Variants in DPP6 observed in about 807,000 individuals in gnomAD.
DPP6 encodes the protein A-type potassium channel modulatory protein DPP6.
Under a neutral mutation model 122.6 loss-of-function variants are expected in DPP6, and 69 were observed. The observed-to-expected ratio is 0.56, with a 90% CI of 0.46 to 0.69. DPP6 has a LOEUF of 0.69. DPP6 is among the 30% of genes least tolerant of loss of function. The pLI is 0.00. For missense variants in DPP6, 928 were observed against 1,116.9 expected, an observed-to-expected ratio of 0.83 and a Z score of 2.41; for synonymous variants, 418 against 433.1, an observed-to-expected ratio of 0.97 and a Z score of 0.43.
At chr7:154,612,963 A>G (rs528483446) in intron 5 of DPP6, among the ~76,000 whole-genome samples, 4 of 152,314 alleles carry the variant, frequency 2.6e-5, no homozygotes, top group African/African-American at 9.6e-5. Flanking sequence ...GGGTGCTGGC[A>G]TGGTCCATTT....
At chr7:154,763,411 A>G (rs1217564341) in intron 8 of DPP6, among the ~76,000 whole-genome samples, 1 of 152,180 alleles carries the variant, frequency 6.6e-6, no homozygotes, top group Non-Finnish European at 1.5e-5. Context: ...AAGAAAGGAA[A>G]GAAAGAAAAG....
rs1483749462 is a variant in DPP6 at position 154,481,286 on chromosome 7, G to C, written c.457+6249G>C. Among the ~76,000 whole-genome samples the C allele has an allele frequency of 6.6e-6, 1 of 152,030 alleles. No individual in the cohort carries two copies. Among genetic ancestry groups the C allele is most frequent in the East Asian group, 1.9e-4 (1 of 5,184 alleles). On this transcript the variant is annotated intron_variant, in intron 3 of 25. Transcript: ENST00000377770. The surrounding 1 kb of genome is among the most constrained non-coding windows in gnomAD (Gnocchi z 4.2). ...TTAGGTATTGTCTATATGATGATGA[G>C]TTTCAATTCTCTAGCTCAAATGCTC...
chr7:154,747,073 G>C (rs1213409621), intron 8 of DPP6, among the ~76,000 whole-genome samples: 1 of 152,082 alleles, frequency 6.6e-6, no homozygotes, highest in African/African-American at 2.4e-5. Flanking sequence ...AGAAAATCCT[G>C]GTTTTCAGAA....
chr7:154,373,828 T>C (rs1812884718), intron 1 of DPP6, among the ~76,000 whole-genome samples: 1 of 152,132 alleles, frequency 6.6e-6, no homozygotes, highest in South Asian at 2.1e-4. Flanking sequence ...CATTCAACTT[T>C]CTGTCTGTGA....
chr7:154,213,214 C>T (rs1347473544), intron 1 of DPP6, among the ~76,000 whole-genome samples: 3 of 152,148 alleles, frequency 2.0e-5, no homozygotes, highest in Non-Finnish European at 4.4e-5. Flanking sequence ...AAGGAGCCAC[C>T]GTGGTCAGGG....
chr7:154,582,800 C>G (rs1283906882), intron 5 of DPP6, among the ~76,000 whole-genome samples: 1 of 152,224 alleles, frequency 6.6e-6, no homozygotes, highest in Non-Finnish European at 1.5e-5. Flanking sequence ...TGTCCCCTCC[C>G]CACTCACTCT....
Position 154,062,117 on chromosome 7 carries a change from C to T in DPP6, c.243+9054C>T, listed in dbSNP as rs1433165539. 1.2e-4 allele frequency among the ~76,000 whole-genome samples: 12 copies of T among 101,604 alleles called. 2 individuals carry two copies. Among genetic ancestry groups the T allele is most frequent in the East Asian group, 1.1e-3 (4 of 3,648 alleles). 66.7% of individuals were successfully genotyped at this position (101,604 alleles called of 152,430 possible). On this transcript the variant is annotated intron_variant, in intron 1 of 25. Transcript: ENST00000377770. ...TCGCAGAGGGGGGACGCACCCCCCG[C>T]GAGGCGGGGACTGAGAGCCAGACCC...
intron 1 of DPP6, among the ~76,000 whole-genome samples, chr7:154,384,735 TTCTTTTA>T: frequency 1.1e-5 from 1 of 95,004 alleles, no homozygotes; most frequent in Non-Finnish European, 2.4e-5. Flanking sequence ...CTTTCTTTCT[TTCTTTTA>T]TTTTTTTTTG....
chr7:154,542,410 A>G (rs1302105927), intron 4 of DPP6, among the ~76,000 whole-genome samples: 6 of 152,316 alleles, frequency 3.9e-5, no homozygotes, highest in Non-Finnish European at 8.8e-5. Flanking sequence ...GAATGTTATC[A>G]TTATTTCCTG....
chr7:154,091,025 G>A (rs1282843362), intron 1 of DPP6, among the ~76,000 whole-genome samples: 1 of 151,516 alleles, frequency 6.6e-6, no homozygotes, highest in Non-Finnish European at 1.5e-5. Flanking sequence ...GGAGGCTGAG[G>A]CAGGAGAATG....
rs559555125 is a variant in DPP6 at position 154,883,996 on chromosome 7, A to G, written c.2134-1637A>G. On this transcript the variant is annotated intron_variant, in intron 21 of 25. Transcript: ENST00000377770. ...ATTACATACACATGCTCACACATAC[A>G]CATGCTCACCCACACACACGCTCAC... The G allele has an allele frequency of 9.9e-4, 140 of 141,110 alleles. 1 individual carries two copies. Among genetic ancestry groups the G allele is most frequent in the African/African-American group, 3.4e-3 (122 of 36,056 alleles). The allele number at this position is 141,110 out of a possible 1,614,324, so 8.7% of individuals were successfully genotyped here.
At chr7:154,560,006 T>C (rs890101371) in intron 4 of DPP6, among the ~76,000 whole-genome samples, 1 of 148,946 alleles carries the variant, frequency 6.7e-6, no homozygotes, top group Non-Finnish European at 1.5e-5. Context: ...TATAAAGATA[T>C]ATATTTTCAG....
chr7:154,889,599 G>C, intron 25 of DPP6, 69 bp downstream of exon 25: 1 of 1,551,022 alleles, frequency 6.4e-7, no homozygotes, highest in Non-Finnish European at 8.7e-7. Context: ...AAGACCTGAC[G>C]GGTGTTCAGG....
intron 1 of DPP6, among the ~76,000 whole-genome samples, chr7:154,248,250 G>A (rs1286797137): frequency 3.3e-5 from 5 of 152,148 alleles, no homozygotes; most frequent in African/African-American, 4.8e-5. Flanking sequence ...TTTTGATGGG[G>A]CACAAACTTT....
intron 11 of DPP6, 139 bp downstream of exon 11, chr7:154,794,341 G>A (rs1280476986): frequency 1.9e-5 from 26 of 1,360,444 alleles, no homozygotes; most frequent in Middle Eastern, 2.7e-4. Flanking sequence ...GGAGCCCGCG[G>A]CGCAGAGTCC....
intron 16 of DPP6, among the ~76,000 whole-genome samples, chr7:154,810,374 G>A (rs1192964833): frequency 6.6e-6 from 1 of 152,226 alleles, no homozygotes; most frequent in African/African-American, 2.4e-5. Context: ...CATGGTGGAT[G>A]TAAACATGGA....
At chr7:154,804,074 C>A (rs1438418487) in intron 14 of DPP6, 119 bp downstream of exon 14, 2 of 1,230,804 alleles carry the variant, frequency 1.6e-6, no homozygotes, top group East Asian at 2.6e-5. Flanking sequence ...CCTCCTCAGG[C>A]AGCATCACTG....
At chr7:154,627,708 C>G (rs1050075210) in intron 5 of DPP6, among the ~76,000 whole-genome samples, 2 of 152,210 alleles carry the variant, frequency 1.3e-5, no homozygotes, top group Non-Finnish European at 2.9e-5. Flanking sequence ...CGCATCAGGA[C>G]TTACAGTTCA....
At chr7:154,608,319 T>TTATATATATATA (rs1563922092) in intron 5 of DPP6, among the ~76,000 whole-genome samples, 2 of 81,378 alleles carry the variant, frequency 2.5e-5, no homozygotes, top group Admixed American at 1.5e-4. Context: ...TTAGGAGTGA[T>TTATATATATATA]CATATATATA....
Sources: allele counts gnomAD v4.1 joint callset (sites outside exome capture counted in the v4.1 genomes callset), GRCh38; gene constraint gnomAD v4.1.1; non-coding constraint Gnocchi (gnomAD v3.1); transcripts MANE v1.5; gene names NCBI Gene and HGNC (gene_info 2026-07-23, HGNC 2026-07-21).